Variants in TNFRSF19 observed in about 807,000 individuals in gnomAD.
TNFRSF19 encodes the protein TNF receptor superfamily member 19, also known as tumor necrosis factor receptor superfamily member 19.
In TNFRSF19, 27 loss-of-function variants were observed where a neutral mutation model predicts 46.4. That is an observed-to-expected ratio of 0.58 (90% CI 0.43 to 0.80). TNFRSF19 has a LOEUF of 0.80. Ranked by LOEUF, TNFRSF19 falls within the 30% of genes least tolerant of loss-of-function variation. The probability of loss-of-function intolerance (pLI) is 0.00; values close to 1 mark genes in which losing one functional copy is unlikely to be tolerated. For missense variants in TNFRSF19, 511 were observed against 530.8 expected (o/e 0.96, Z 0.37); for synonymous variants, 204 against 205.0 (o/e 1.00, Z 0.04).
intron 5 of TNFRSF19, among the ~76,000 whole-genome samples, chr13:23,637,350 A>G (rs1026505795): frequency 2.0e-5 from 3 of 152,260 alleles, no homozygotes; most frequent in African/African-American, 7.2e-5. Flanking sequence ...TAATTTTCAG[A>G]CAAATTATTT....
At chr13:23,592,109 G>A (rs1246239912) in intron 2 of TNFRSF19, among the ~76,000 whole-genome samples, 1 of 152,088 alleles carries the variant, frequency 6.6e-6, no homozygotes, top group East Asian at 1.9e-4. Flanking sequence ...ACCTTAAAGA[G>A]GTTGTTAGAT....
intron 5 of TNFRSF19, among the ~76,000 whole-genome samples, chr13:23,641,868 C>G (rs1428285507): frequency 6.6e-6 from 1 of 152,218 alleles, no homozygotes; most frequent in Non-Finnish European, 1.5e-5. Context: ...TACGCCTAAT[C>G]TAACAAACAG....
chr13:23,635,004 C>G (rs377247446), intron 5 of TNFRSF19, among the ~76,000 whole-genome samples: 5 of 151,896 alleles, frequency 3.3e-5, no homozygotes, highest in African/African-American at 1.2e-4. Context: ...GGCATTTCAT[C>G]TGCATTTCTC....
chr13:23,656,885 T>C (rs909070878), intron 5 of TNFRSF19, among the ~76,000 whole-genome samples: 1 of 152,204 alleles, frequency 6.6e-6, no homozygotes, highest in Non-Finnish European at 1.5e-5. Flanking sequence ...ACAGCTGTGC[T>C]TGTGCTCATA....
At chr13:23,660,225 T>G in intron 6 of TNFRSF19, 140 bp from the exon 7 acceptor site, 1 of 860,476 alleles carries the variant, frequency 1.2e-6, no homozygotes, top group Non-Finnish European at 1.8e-6. Context: ...TTATTTCATG[T>G]TTGTGCTTCC....
chr13:23,579,359 C>G (rs573951062), intron 1 of TNFRSF19: 29 of 152,676 alleles, frequency 1.9e-4, no homozygotes, highest in African/African-American at 6.7e-4. Flanking sequence ...GGGTGGCGGC[C>G]GTTGCCGGGC....
intron 3 of TNFRSF19, among the ~76,000 whole-genome samples, chr13:23,595,204 TC>T (rs1192069533): frequency 2.6e-5 from 4 of 152,168 alleles, no homozygotes; most frequent in Non-Finnish European, 4.4e-5. Flanking sequence ...TCTCTTCTCC[TC>T]CAAAGGATCA....
chr13:23,640,784 G>T (rs1882993400), intron 5 of TNFRSF19, among the ~76,000 whole-genome samples: 1 of 152,216 alleles, frequency 6.6e-6, no homozygotes, highest in Admixed American at 6.5e-5. Flanking sequence ...AAGTGAGGGA[G>T]ACCATTTGAA....
At chr13:23,596,175 A>G (rs948682086) in intron 3 of TNFRSF19, among the ~76,000 whole-genome samples, 2 of 152,222 alleles carry the variant, frequency 1.3e-5, no homozygotes, top group East Asian at 3.8e-4. Flanking sequence ...TGTAAAGACC[A>G]TTGACACTAT....
chr13:23,625,645 A>G (rs986453534), intron 4 of TNFRSF19, among the ~76,000 whole-genome samples: 2 of 152,108 alleles, frequency 1.3e-5, no homozygotes, highest in African/African-American at 4.8e-5. Context: ...TTACACATAC[A>G]TCTTTACCCA....
At chr13:23,672,284 CTG>C (rs1161109470) in intron 9 of TNFRSF19, among the ~76,000 whole-genome samples, 2 of 152,158 alleles carry the variant, frequency 1.3e-5, no homozygotes, top group Non-Finnish European at 2.9e-5. Context: ...GGGAACAAAA[CTG>C]AGATATTTGG....
At chr13:23,607,054 T>G (rs1027005442) in intron 3 of TNFRSF19, among the ~76,000 whole-genome samples, 4 of 152,236 alleles carry the variant, frequency 2.6e-5, no homozygotes, top group African/African-American at 9.6e-5. Context: ...AAGGGAAAAT[T>G]TAGTCTTTTG....
chr13:23,649,841 C>T (rs541775835), intron 5 of TNFRSF19, among the ~76,000 whole-genome samples: 1 of 152,174 alleles, frequency 6.6e-6, no homozygotes, highest in Non-Finnish European at 1.5e-5. Flanking sequence ...GTTGCATTTT[C>T]ATATATTTGT....
At chr13:23,627,085 T>A (rs963496840) in intron 5 of TNFRSF19, among the ~76,000 whole-genome samples, 1 of 152,168 alleles carries the variant, frequency 6.6e-6, no homozygotes, top group Non-Finnish European at 1.5e-5. Flanking sequence ...TTCAGGCCAC[T>A]TTGAATAACC....
intron 3 of TNFRSF19, among the ~76,000 whole-genome samples, chr13:23,600,032 G>A (rs889321118): frequency 6.6e-6 from 1 of 152,170 alleles, no homozygotes; most frequent in Non-Finnish European, 1.5e-5. Flanking sequence ...TCTGAGACAT[G>A]AGTGAATAGT....
chr13:23,619,748 A>G (rs901475743), intron 4 of TNFRSF19, among the ~76,000 whole-genome samples: 3 of 152,122 alleles, frequency 2.0e-5, no homozygotes, highest in Non-Finnish European at 4.4e-5. Context: ...CTACATCTGG[A>G]GGTAGAGAAA....
At chr13:23,580,909 A>G (rs939663333) in intron 1 of TNFRSF19, among the ~76,000 whole-genome samples, 14 of 152,230 alleles carry the variant, frequency 9.2e-5, no homozygotes, top group African/African-American at 2.9e-4. Context: ...CCAAAGCCAC[A>G]TGGCTTTACT....
At chr13:23,648,912 T>C (rs981038806) in intron 5 of TNFRSF19, among the ~76,000 whole-genome samples, 1 of 152,216 alleles carries the variant, frequency 6.6e-6, no homozygotes, top group African/African-American at 2.4e-5. Flanking sequence ...ACCATTGCCT[T>C]CCTGGGATAA....
intron 1 of TNFRSF19, among the ~76,000 whole-genome samples, chr13:23,581,132 C>CTTTTTTT (rs746641461): frequency 1.4e-5 from 2 of 143,688 alleles, no homozygotes; most frequent in African/African-American, 5.1e-5. Flanking sequence ...TTTTTCTTTT[C>CTTTTTTT]TTTTTTTTTT....
Sources: allele counts gnomAD v4.1 joint callset (sites outside exome capture counted in the v4.1 genomes callset), GRCh38; gene constraint gnomAD v4.1.1; transcripts MANE v1.5; gene names NCBI Gene and HGNC (gene_info 2026-07-23, HGNC 2026-07-21).